Variants in ITPK1 observed in about 807,000 individuals in gnomAD.
ITPK1 encodes inositol-tetrakisphosphate 1-kinase, also known as inositol 1,3,4-trisphosphate 5/6-kinase.
Under a neutral mutation model 45.3 loss-of-function variants are expected in ITPK1, and 21 were observed. The observed-to-expected ratio is 0.46, with a 90% CI of 0.33 to 0.67. ITPK1 has a LOEUF of 0.67. Among genes scored for constraint, ITPK1 ranks in the 30% least tolerant of loss-of-function variants. The probability of loss-of-function intolerance (pLI) is 0.02; values close to 1 mark genes in which losing one functional copy is unlikely to be tolerated. For synonymous variants in ITPK1, 258 were observed against 253.6 expected (o/e 1.02, Z -0.16); for missense variants, 474 against 573.5 (o/e 0.83, Z 1.77).
chr14:93,065,359 G>A, intron 3 of ITPK1, among the ~76,000 whole-genome samples: 1 of 152,140 alleles, frequency 6.6e-6, no homozygotes, highest in African/African-American at 2.4e-5. Flanking sequence ...ACGCTTCCCT[G>A]GGCCACTGAG....
rs1889232992 is a variant in ITPK1, at chr14:93,034,545, T to C, written c.121-17744A>G. 6.6e-6 allele frequency among the ~76,000 whole-genome samples: 1 copy of C among 152,164 alleles called. No homozygotes were observed. The highest frequency in any genetic ancestry group is 2.4e-5 in the African/African-American group (1 of 41,452). ...CTGGCCCCCACTGGGCTGGGAGATC[T>C]GTCTGCTCTGCTCCCCACTAGAGGG... On this transcript the variant is annotated intron_variant, in intron 3 of 10. Coordinates refer to ENST00000267615, the MANE Select transcript of ITPK1 (RefSeq NM_014216.6). The surrounding 1 kb of genome is among the most constrained non-coding windows in gnomAD (Gnocchi z 4.1).
chr14:93,091,444 G>C (rs1366642301), intron 2 of ITPK1, among the ~76,000 whole-genome samples: 1 of 152,188 alleles, frequency 6.6e-6, no homozygotes, highest in Non-Finnish European at 1.5e-5. Flanking sequence ...TCCCAAGAAG[G>C]CACCAGGCAC....
At chr14:92,995,243 C>T (rs1307301501) in intron 4 of ITPK1, among the ~76,000 whole-genome samples, 1 of 152,186 alleles carries the variant, frequency 6.6e-6, no homozygotes, top group Non-Finnish European at 1.5e-5. Flanking sequence ...GACATGCCAG[C>T]GTGATTCCTC....
chr14:93,098,091 G>A (rs1346974139), intron 2 of ITPK1, among the ~76,000 whole-genome samples: 1 of 151,922 alleles, frequency 6.6e-6, no homozygotes, highest in Admixed American at 6.6e-5. Flanking sequence ...GGCCAAGGCA[G>A]GCAGATCACT....
chr14:92,998,011 A>T lies in ITPK1; in HGVS notation c.247-4014T>A, dbSNP rs190051193. 1.4e-4 allele frequency among the ~76,000 whole-genome samples: 22 copies of T among 152,352 alleles called. No homozygotes were observed. In the East Asian group the frequency reaches 1.9e-3, roughly 13 times the overall value. On this transcript the variant is annotated intron_variant, in intron 4 of 10. Transcript: ENST00000267615. Reference sequence around the variant, plus strand: ...CGATCCTCACAGGCAGGAAATGAGCAGGGAGTGAGACACAGGGATTTGCTC... The same window carrying T: ...CGATCCTCACAGGCAGGAAATGAGCTGGGAGTGAGACACAGGGATTTGCTC...
At chr14:93,084,187 A>G (rs1891560654) in intron 2 of ITPK1, among the ~76,000 whole-genome samples, 1 of 152,208 alleles carries the variant, frequency 6.6e-6, no homozygotes, top group African/African-American at 2.4e-5. Context: ...CAGACCCGCC[A>G]CCTGGAAACA....
At chr14:92,959,531 G>T (rs940003699) in intron 7 of ITPK1, among the ~76,000 whole-genome samples, 8 of 152,180 alleles carry the variant, frequency 5.3e-5, no homozygotes, top group African/African-American at 1.7e-4. Flanking sequence ...CTTCTGACAA[G>T]AATAAAGGAC....
At chr14:93,011,847 A>C (rs1887926141) in intron 4 of ITPK1, among the ~76,000 whole-genome samples, 3 of 152,126 alleles carry the variant, frequency 2.0e-5, no homozygotes, top group African/African-American at 7.2e-5. Context: ...CTCTCTTGCC[A>C]ATTATATCTG....
chr14:93,030,402 A>G (rs1057473194), intron 3 of ITPK1, among the ~76,000 whole-genome samples: 1 of 152,268 alleles, frequency 6.6e-6, no homozygotes, highest in African/African-American at 2.4e-5. Flanking sequence ...TGCATGGGAA[A>G]GACAACAGGA....
At chr14:93,055,930 C>CG (rs1222222924) in intron 3 of ITPK1, among the ~76,000 whole-genome samples, 1 of 152,146 alleles carries the variant, frequency 6.6e-6, no homozygotes, top group Admixed American at 6.5e-5. Flanking sequence ...GAGGAGCAGC[C>CG]GGGGCACCCA....
intron 2 of ITPK1, among the ~76,000 whole-genome samples, chr14:93,095,525 T>A (rs1351535448): frequency 6.7e-6 from 1 of 149,242 alleles, no homozygotes; most frequent in Non-Finnish European, 1.5e-5. Flanking sequence ...GTCACACTTA[T>A]CAGCACCACC....
intron 3 of ITPK1, among the ~76,000 whole-genome samples, chr14:93,033,629 T>C (rs1432500541): frequency 6.6e-6 from 1 of 151,934 alleles, no homozygotes; most frequent in Non-Finnish European, 1.5e-5. Flanking sequence ...CAGCACTTCA[T>C]GGAGGAAGCC....
At chr14:93,070,881 G>C (rs1275644143) in intron 3 of ITPK1, 1 of 153,854 alleles carries the variant, frequency 6.5e-6, no homozygotes, top group Non-Finnish European at 1.5e-5. Context: ...CCTCAGCTCA[G>C]CACTCAGTGA....
intron 3 of ITPK1, among the ~76,000 whole-genome samples, chr14:93,024,189 C>G: frequency 6.6e-6 from 1 of 152,168 alleles, no homozygotes; most frequent in East Asian, 1.9e-4. Flanking sequence ...CCTCCTGTTG[C>G]CAGGCCTGGA....
chr14:92,950,079 C>T (rs1217830362), intron 9 of ITPK1, among the ~76,000 whole-genome samples: 1 of 152,244 alleles, frequency 6.6e-6, no homozygotes, highest in Non-Finnish European at 1.5e-5. Flanking sequence ...CTCGCCTTAG[C>T]TTGGGCCGGA....
At chr14:93,068,678 G>C (rs1447974602) in intron 3 of ITPK1, 1 of 152,164 alleles carries the variant, frequency 6.6e-6, no homozygotes, top group African/African-American at 2.4e-5. Flanking sequence ...GGAGAGTATG[G>C]GTGGCAGAGG....
rs1034251622 is a variant in ITPK1 at position 93,036,187 on chromosome 14, A to G, written c.121-19386T>C. The stretch of plus-strand genomic sequence containing the variant: ...GTCGGTAACTTCAAGAGCTGCGGGG[A>G]GCAGAGGCCACAACCGGAGGGACAC... On this transcript the variant is annotated intron_variant, in intron 3 of 10. Coordinates refer to ENST00000267615, the MANE Select transcript of ITPK1 (RefSeq NM_014216.6). The surrounding 1 kb of genome is among the most constrained non-coding windows in gnomAD (Gnocchi z 4.1). 1.3e-5 allele frequency among the ~76,000 whole-genome samples: 2 copies of G among 152,038 alleles called. No homozygotes were observed. The highest frequency in any genetic ancestry group is 2.9e-5 in the Non-Finnish European group (2 of 67,994).
intron 4 of ITPK1, among the ~76,000 whole-genome samples, chr14:92,997,097 C>G (rs912455249): frequency 2.0e-5 from 3 of 152,188 alleles, no homozygotes; most frequent in Non-Finnish European, 4.4e-5. Flanking sequence ...AACGGGAGGG[C>G]CACCCACGCA....
chr14:92,976,583 G>A (rs541920722), intron 5 of ITPK1, among the ~76,000 whole-genome samples: 1 of 152,358 alleles, frequency 6.6e-6, no homozygotes, highest in Non-Finnish European at 1.5e-5. Flanking sequence ...GATGACATGT[G>A]TTGGGCACTT....
Sources: allele counts gnomAD v4.1 joint callset (sites outside exome capture counted in the v4.1 genomes callset), GRCh38; gene constraint gnomAD v4.1.1; non-coding constraint Gnocchi (gnomAD v3.1); transcripts MANE v1.5; gene names NCBI Gene and HGNC (gene_info 2026-07-23, HGNC 2026-07-21).